DPPA2: variants seen among roughly 807,000 people sequenced by gnomAD.
DPPA2 encodes developmental pluripotency associated 2.
Under a neutral mutation model 36.2 loss-of-function variants are expected in DPPA2, and 26 were observed. The ratio of observed to expected loss-of-function variants is 0.72; its 90% CI spans 0.53 to 1.00. The LOEUF (loss-of-function observed/expected upper bound fraction) is 1.00, where lower values mean the gene tolerates loss of function less well. Ranked by LOEUF, DPPA2 falls within the 50% of genes least tolerant of loss-of-function variation. The probability of loss-of-function intolerance (pLI) is 0.00; values close to 1 mark genes in which losing one functional copy is unlikely to be tolerated. For synonymous variants in DPPA2, 113 were observed against 123.2 expected, an observed-to-expected ratio of 0.92 and a Z score of 0.55; for missense variants, 361 against 365.1, an observed-to-expected ratio of 0.99 and a Z score of 0.09.
intron 6 of DPPA2, among the ~76,000 whole-genome samples, chr3:109,307,555 A>G (rs1707600035): frequency 6.7e-6 from 1 of 148,196 alleles, no homozygotes; most frequent in Admixed American, 7.0e-5. Context: ...GTGAGCCAAG[A>G]TCGCGCCATT....
intron 8 of DPPA2, 61 bp from the exon 9 acceptor site, chr3:109,294,065 G>A (rs1446359187): frequency 1.3e-5 from 2 of 152,126 alleles, no homozygotes; most frequent in Non-Finnish European, 2.9e-5. Context: ...CAGAGTTTGG[G>A]GTCAAGAGAG....
intron 1 of DPPA2, among the ~76,000 whole-genome samples, chr3:109,316,066 TTC>T (rs966745584): frequency 2.2e-4 from 33 of 151,584 alleles, no homozygotes; most frequent in African/African-American, 7.6e-4. Flanking sequence ...AGGTAATTTT[TTC>T]TTTTTTTCTT....
At chr3:109,300,498 A>C in intron 7 of DPPA2, 63 bp from the exon 8 acceptor site, 1 of 1,498,784 alleles carries the variant, frequency 6.7e-7, no homozygotes, top group Non-Finnish European at 9.3e-7. Flanking sequence ...ATCCCTTACC[A>C]ATCCCTTTAA....
chr3:109,298,692 G>C (rs1374733460), intron 8 of DPPA2, among the ~76,000 whole-genome samples: 1 of 146,750 alleles, frequency 6.8e-6, no homozygotes, highest in Non-Finnish European at 1.5e-5. Context: ...ACTCCAGCCT[G>C]GTGATAAAGT....
intron 3 of DPPA2, among the ~76,000 whole-genome samples, chr3:109,311,630 C>A (rs1453393079): frequency 6.6e-6 from 1 of 151,790 alleles, no homozygotes; most frequent in Non-Finnish European, 1.5e-5. Context: ...ATTACAGGTA[C>A]TAGGGAGGCT....
Position 109,308,524 on chromosome 3 carries a change from G to A in DPPA2, c.397-231C>T, listed in dbSNP as rs192700147. ...ATTATAGGCATGTGCCACCATGTCC[G>A]GCTAATTTTGCATTTTTAGTAAAGA... On this transcript the variant is annotated intron_variant, in intron 5 of 8. Coordinates refer to ENST00000478945, the MANE Select transcript of DPPA2 (RefSeq NM_138815.4). Among the ~76,000 whole-genome samples, 140 of 152,164 alleles carry A rather than the reference G, an allele frequency of 9.2e-4. 1 individual carries two copies. Among genetic ancestry groups the A allele is most frequent in the African/African-American group, 3.1e-3 (130 of 41,534 alleles).
rs546824045 is a variant in DPPA2, at chr3:109,298,693, G to A, written c.*22+1678C>T. Among the ~76,000 whole-genome samples the A allele has an allele frequency of 5.5e-5, 8 of 146,704 alleles. No individual in the cohort carries two copies. In the South Asian group the frequency reaches 1.5e-3, roughly 28 times the overall value. On this transcript the variant is annotated intron_variant, in intron 8 of 8. Coordinates refer to ENST00000478945, the MANE Select transcript of DPPA2 (RefSeq NM_138815.4). ...ATCGGCGTCACTGCACTCCAGCCTG[G>A]TGATAAAGTATGATTCTGTCTAAAA...
chr3:109,297,973 C>T (rs773048287), intron 8 of DPPA2, among the ~76,000 whole-genome samples: 17 of 152,184 alleles, frequency 1.1e-4, no homozygotes, highest in Admixed American at 2.0e-4. Context: ...TAGCTGGGTA[C>T]GGTGGCACAC....
chr3:109,311,025 C>G (rs1180899513), intron 3 of DPPA2, among the ~76,000 whole-genome samples: 2 of 151,776 alleles, frequency 1.3e-5, no homozygotes, highest in African/African-American at 4.8e-5. Context: ...TGGTCTTGAA[C>G]CCCTGGCCTC....
At chr3:109,304,213 C>T (rs1358442740) in intron 7 of DPPA2, among the ~76,000 whole-genome samples, 2 of 151,366 alleles carry the variant, frequency 1.3e-5, no homozygotes, top group Non-Finnish European at 2.9e-5. Context: ...GCAGAGGTTG[C>T]AGTGAGCTGA....
In DPPA2 at chr3:109,309,316, T is replaced by C. The variant is rs1364493187; in HGVS notation, c.196A>G (p.Thr66Ala). Residue 66 changes from threonine (T) to alanine (A), a missense_variant, in exon 4 of 9, where the codon ACA (threonine) becomes GCA (alanine). Coordinates refer to ENST00000478945, the MANE Select transcript of DPPA2 (RefSeq NM_138815.4). ...TGTGGAGCTGTAAATTGCTCATTTG[T>C]TTGAAGTAGATGACCTAAGACAAGA... ...KKYNPGHLLQ[T>A]NEQFTAPQKA... 1.2e-5 allele frequency: 20 copies of C among 1,613,932 alleles called. No individual in the cohort carries two copies. The highest frequency in any genetic ancestry group is 1.4e-5 in the Non-Finnish European group (17 of 1,179,928).
In DPPA2 at chr3:109,301,721, C is replaced by T. The variant is rs187689025; in HGVS notation, c.855-1286G>A. ...AAAAATGGGAAGAAGGGAAGAATGA[C>T]GAGAGTCAGTGAGGGAGGGAAAAAA... is the stretch of plus-strand genomic sequence containing the variant. On this transcript the variant is annotated intron_variant, in intron 7 of 8. Transcript: ENST00000478945. Among the ~76,000 whole-genome samples the T allele has an allele frequency of 1.8e-4, 28 of 151,400 alleles. No homozygotes were observed. The East Asian group carries it at 2.5e-3, about 14-fold the overall frequency.
rs944071645 is a variant in DPPA2 at position 109,310,514 on chromosome 3, G to GT, written c.182-1185dup. 3.8e-4 allele frequency among the ~76,000 whole-genome samples: 56 copies of GT among 145,512 alleles called. No homozygotes were observed. The South Asian group carries it at 4.3e-3, about 11-fold the overall frequency. On this transcript the variant is annotated intron_variant, in intron 3 of 8. Coordinates refer to ENST00000478945, the MANE Select transcript of DPPA2 (RefSeq NM_138815.4). The stretch of plus-strand genomic sequence containing the variant: ...CAAACCTATGTAGGTTTTTTTTGTT[G>GT]TTTTTTTTTGAGACGGAGTTTCGCT...
chr3:109,301,062 C>T (rs1380814483), intron 7 of DPPA2, among the ~76,000 whole-genome samples: 1 of 150,982 alleles, frequency 6.6e-6, no homozygotes, highest in African/African-American at 2.4e-5. Flanking sequence ...CAGTTCACTG[C>T]AGCCTTGACT....
chr3:109,308,272 C>G lies in DPPA2; in HGVS notation c.418G>C (p.Glu140Gln). The change falls in exon 6 of 9, where the codon GAG becomes CAG. Residue 140 changes from glutamate (E) to glutamine (Q), a missense_variant. Physicochemically the swap from Glu to Gln is conservative, Grantham distance 29. Transcript: ENST00000478945. ...CTCGAACATCGCTGTAATCTGGTCT[C>G]TTGTGACATTTCAGGCATATCCTGC... The part of the protein sequence containing the change: ...QRQDMPEMSQ[E>Q]TRLQRCSRKR... The G allele has an allele frequency of 6.2e-7, 1 of 1,614,200 alleles. No individual in the cohort carries two copies. Among genetic ancestry groups the G allele is most frequent in the Non-Finnish European group, 8.5e-7 (1 of 1,180,038 alleles).
chr3:109,314,070 T>C (rs1274569228), intron 2 of DPPA2, among the ~76,000 whole-genome samples: 3 of 152,186 alleles, frequency 2.0e-5, no homozygotes, highest in East Asian at 3.9e-4. Flanking sequence ...AAGTAACCAA[T>C]TGGTCACTTT....
chr3:109,306,208 C>T (rs1193624056), intron 6 of DPPA2, among the ~76,000 whole-genome samples: 4 of 152,150 alleles, frequency 2.6e-5, no homozygotes, highest in Admixed American at 2.6e-4. Context: ...AGATGCTTAA[C>T]AATTGCAGAA....
chr3:109,316,005 A>C (rs142833908), intron 1 of DPPA2, among the ~76,000 whole-genome samples: 2,191 of 152,320 alleles, frequency 0.014, 50 homozygotes, highest in African/African-American at 0.05. Flanking sequence ...GAATCAGATC[A>C]TGGAGGGTGA....
In DPPA2 at chr3:109,304,012, C is replaced by T. The variant is rs183251061; in HGVS notation, c.854+463G>A. Among the ~76,000 whole-genome samples, 11 of 152,122 alleles carry T rather than the reference C, an allele frequency of 7.2e-5. No individual in the cohort carries two copies. In the South Asian group the frequency reaches 1.0e-3, roughly 14 times the overall value. On this transcript the variant is annotated intron_variant, in intron 7 of 8. Coordinates refer to ENST00000478945, the MANE Select transcript of DPPA2 (RefSeq NM_138815.4). ...ATTAGCCGGGCACGGTGGCTCACAC[C>T]TGTTATCCCAGCACTTTGGGAGGCC...
Sources: gnomAD v4.1 joint callset for allele counts (sites outside exome capture counted in the v4.1 genomes callset) on GRCh38, gnomAD v4.1.1 for gene constraint, MANE v1.5 for transcripts, NCBI Gene and HGNC (gene_info 2026-07-23, HGNC 2026-07-21) for gene names.